Variants in PNPLA3 observed in about 807,000 individuals in gnomAD.
PNPLA3 encodes patatin like domain 3, 1-acylglycerol-3-phosphate O-acyltransferase.
In PNPLA3, 42 loss-of-function variants were observed where a neutral mutation model predicts 43.1. The ratio of observed to expected loss-of-function variants is 0.97; its 90% CI spans 0.76 to 1.26. The LOEUF is 1.26. PNPLA3 is among the 50% of genes most tolerant of loss of function. The pLI, the probability that PNPLA3 is intolerant of heterozygous loss-of-function variation, is 0.00. For synonymous variants in PNPLA3, 272 were observed against 253.6 expected, an observed-to-expected ratio of 1.07 and a Z score of -0.69; for missense variants, 647 against 621.4, an observed-to-expected ratio of 1.04 and a Z score of -0.44.
chr22:43,940,532 G>A (rs1052398729), intron 7 of PNPLA3, among the ~76,000 whole-genome samples: 11 of 152,226 alleles, frequency 7.2e-5, no homozygotes, highest in African/African-American at 2.7e-4. Context: ...CATGAAGGCC[G>A]GCGCCGTGGC....
chr22:43,933,946 A>G lies in PNPLA3; in HGVS notation c.697-660A>G, dbSNP rs547127851. ...CAGATGAGTAGAGGAGACAGCTCTTATTGTCCTAGTGGCAATTGGGATAGG... is the reference window on the plus strand; with the variant it reads ...CAGATGAGTAGAGGAGACAGCTCTTGTTGTCCTAGTGGCAATTGGGATAGG... On this transcript the variant is annotated intron_variant, in intron 4 of 8. Transcript: ENST00000216180. Among the ~76,000 whole-genome samples, 4 of 152,252 alleles carry G rather than the reference A, an allele frequency of 2.6e-5. No individual in the cohort carries two copies. In the South Asian group the frequency reaches 6.2e-4, roughly 24 times the overall value.
In PNPLA3 at chr22:43,934,316, T is replaced by TAA. The variant is rs3083286; in HGVS notation, c.697-271_697-270dup. On this transcript the variant is annotated intron_variant, in intron 4 of 8. Transcript: ENST00000216180. ...TGGGCAACAGAGCAAGACTCTGCCT[T>TAA]AAAAAAAAAAAAAAAAAAAAGAAAA... 3.4e-3 allele frequency among the ~76,000 whole-genome samples: 399 copies of TAA among 118,040 alleles called. 4 individuals are homozygous for TAA. Among genetic ancestry groups the TAA allele is most frequent in the African/African-American group, 0.013 (382 of 29,388 alleles). 77.4% of individuals were successfully genotyped at this position (118,040 alleles called of 152,430 possible). A position where few individuals can be genotyped will look rare whatever the true frequency, so the allele number is the denominator to read the frequency against.
At chr22:43,934,377 G>A (rs1007145806) in intron 4 of PNPLA3, among the ~76,000 whole-genome samples, 1 of 151,834 alleles carries the variant, frequency 6.6e-6, no homozygotes, top group African/African-American at 2.4e-5. Flanking sequence ...GCCTGCTGGG[G>A]TGCCTGCAAA....
chr22:43,928,277 T>C (rs1457293633), intron 2 of PNPLA3, among the ~76,000 whole-genome samples: 1 of 152,200 alleles, frequency 6.6e-6, no homozygotes, highest in Non-Finnish European at 1.5e-5. Flanking sequence ...GGGTCCGTTC[T>C]CCCAGTGAAT....
intron 3 of PNPLA3, among the ~76,000 whole-genome samples, chr22:43,930,826 C>G (rs1346616991): frequency 6.6e-6 from 1 of 152,182 alleles, no homozygotes; most frequent in African/African-American, 2.4e-5. Context: ...TCCCCAACCC[C>G]CTCTGGGGAT....
Position 43,923,984 on chromosome 22 carries a change from G to T in PNPLA3, c.73G>T (p.Ala25Ser). ...CTTCCTGGGCTTCTACCACGTCGGG[G>T]CGACCCGCTGCCTGAGCGAGCACGC... ...CGFLGFYHVG[A>S]TRCLSEHAPH... Residue 25 changes from alanine to serine, a missense_variant, in exon 1 of 9, where the codon GCG (alanine) becomes TCG (serine). Transcript: ENST00000216180. The T allele has an allele frequency of 6.3e-7, 1 of 1,585,022 alleles. No homozygotes were observed. Among genetic ancestry groups the T allele is most frequent in the African/African-American group, 1.4e-5 (1 of 72,530 alleles).
chr22:43,927,556 C>T (rs2049932594), intron 2 of PNPLA3, among the ~76,000 whole-genome samples: 1 of 151,462 alleles, frequency 6.6e-6, no homozygotes, highest in Admixed American at 6.6e-5. Context: ...GCCCCCTGTG[C>T]CAGAGTGACA....
intron 3 of PNPLA3, among the ~76,000 whole-genome samples, chr22:43,932,093 G>A (rs1189970797): frequency 6.6e-6 from 1 of 152,104 alleles, no homozygotes; most frequent in African/African-American, 2.4e-5. Context: ...TGGCTCTGAT[G>A]GCTGGCTGTG....
rs2050067894 is a variant in PNPLA3 at position 43,946,958 on chromosome 22, C to A, written c.*576C>A. On this transcript the variant is annotated 3_prime_UTR_variant, in exon 9 of 9. Transcript: ENST00000216180. ...ATTTTAGAACACCTTTTTCACCTAA[C>A]TAAAATAATGTTTAAAGAGTTTTGT... The A allele has an allele frequency of 6.6e-6, 2 of 301,402 alleles. No individual in the cohort carries two copies. The highest frequency in any genetic ancestry group is 4.7e-5 in the Admixed American group (1 of 21,068). 18.7% of individuals were successfully genotyped at this position (301,402 alleles called of 1,614,324 possible).
intron 5 of PNPLA3, among the ~76,000 whole-genome samples, chr22:43,935,998 G>A (rs1230031051): frequency 6.6e-6 from 1 of 152,176 alleles, no homozygotes; most frequent in African/African-American, 2.4e-5. Context: ...AGGAGTCCAG[G>A]GGAATAGGAC....
rs1364602747 is a variant in PNPLA3, at chr22:43,934,772, G to T, written c.757+106G>T. The T allele has an allele frequency of 1.5e-5, 16 of 1,053,908 alleles. No homozygotes were observed. In the South Asian group the frequency reaches 2.0e-4, roughly 13 times the overall value. The allele number at this position is 1,053,908 out of a possible 1,614,324, so 65.3% of individuals were successfully genotyped here. On this transcript the variant is annotated intron_variant, in intron 5 of 8. Transcript: ENST00000216180. ...TTAGTTCTAACACTTAGTGCCCAAC[G>T]CCTTCCTTGTGTTGCTCAACCTACT...
In PNPLA3 at chr22:43,940,531, C is replaced by T. The variant is rs779874168; in HGVS notation, c.1112+406C>T. 2.0e-4 allele frequency among the ~76,000 whole-genome samples: 30 copies of T among 152,170 alleles called. 1 individual carries two copies. The highest frequency in any genetic ancestry group is 7.4e-5 in the Non-Finnish European group (5 of 68,024). On this transcript the variant is annotated intron_variant, in intron 7 of 8. Transcript: ENST00000216180. Reference sequence around the variant, plus strand: ...TTTCCATTTAAAATCACATGAAGGCCGGCGCCGTGGCTCACGGCTGTAATC... The same window carrying T: ...TTTCCATTTAAAATCACATGAAGGCTGGCGCCGTGGCTCACGGCTGTAATC...
In PNPLA3 at chr22:43,946,236, A is replaced by C; in HGVS notation, c.1300A>C (p.Lys434Gln). 6.2e-7 allele frequency: 1 copy of C among 1,613,926 alleles called. No individual in the cohort carries two copies. Among genetic ancestry groups the C allele is most frequent in the Non-Finnish European group, 8.5e-7 (1 of 1,179,938 alleles). The change falls in exon 9 of 9, where the codon AAG becomes CAG. Residue 434 changes from lysine (K) to glutamine (Q), a missense_variant. By Grantham distance (53) the Lys-to-Gln change is moderately conservative (BLOSUM62 1). Transcript: ENST00000216180. ...GCCCTGCTGGACTCCCTGCTCCCCC[A>C]AGGGCTGTCCAGCAGAGACCAAAGC... ...DWPCWTPCSP[K>Q]GCPAETKAEA...
chr22:43,940,894 G>A (rs184842912), intron 7 of PNPLA3, among the ~76,000 whole-genome samples: 12 of 150,746 alleles, frequency 8.0e-5, no homozygotes, highest in Admixed American at 5.3e-4. Flanking sequence ...TAATCCCAGC[G>A]CTTTGGGAGG....
Position 43,928,845 on chromosome 22 carries a change from AT to A in PNPLA3, c.443del (p.Ile148ThrfsTer22). The stretch of plus-strand genomic sequence containing the variant: ...ACAGGCCTTGGTATGTTCCTGCTTC[AT>A]CCCCTTCTACAGTGGCCTTATCCCT... The part of the protein sequence containing the change: ...VVDALVCSCF[I>X]PFYSGLIPPS... On this transcript the variant is annotated frameshift_variant, in exon 3 of 9. Transcript: ENST00000216180. LOFTEE classifies it high-confidence loss of function. 2 of 1,612,040 alleles carry A rather than the reference AT, an allele frequency of 1.2e-6. No individual in the cohort carries two copies. The highest frequency in any genetic ancestry group is 1.3e-5 in the African/African-American group (1 of 74,988).
Position 43,946,502 on chromosome 22 carries a change from C to T in PNPLA3, c.*120C>T, listed in dbSNP as rs2050064502. On this transcript the variant is annotated 3_prime_UTR_variant, in exon 9 of 9. Coordinates refer to ENST00000216180, the MANE Select transcript of PNPLA3 (RefSeq NM_025225.3). ...TGCCTGTGACGTGGAGGATCCCAGC[C>T]TCTGAGCTGAGTTGGTTTTATGAAA... is the stretch of plus-strand genomic sequence containing the variant. 9.9e-7 allele frequency: 1 copy of T among 1,010,428 alleles called. No individual in the cohort carries two copies. The highest frequency in any genetic ancestry group is 1.5e-6 in the Non-Finnish European group (1 of 655,952). The allele number at this position is 1,010,428 out of a possible 1,614,324, so 62.6% of individuals were successfully genotyped here.
At chr22:43,942,701 CT>C (rs398037291) in intron 7 of PNPLA3, among the ~76,000 whole-genome samples, 4,526 of 113,598 alleles carry the variant, frequency 0.04, 176 homozygotes, top group African/African-American at 0.14. Flanking sequence ...TTTCTTTTTT[CT>C]TTTTTTTTTT....
chr22:43,927,191 GT>G lies in PNPLA3; in HGVS notation c.420+26del, dbSNP rs767699238. On this transcript the variant is annotated intron_variant, in intron 2 of 8. Coordinates refer to ENST00000216180, the MANE Select transcript of PNPLA3 (RefSeq NM_025225.3). ...ATGTAAGCAGTTTGCTTATCTGGAC[GT>G]TGTCAAGTTAGAAAAGCTGTTTTGG... is the stretch of plus-strand genomic sequence containing the variant. The G allele has an allele frequency of 3.8e-5, 61 of 1,604,788 alleles. No individual in the cohort carries two copies. The African/African-American group carries it at 6.7e-4, about 18-fold the overall frequency.
chr22:43,928,982 T>G, intron 3 of PNPLA3, 93 bp downstream of exon 3: 2 of 1,270,610 alleles, frequency 1.6e-6, no homozygotes, highest in Non-Finnish European at 2.3e-6. Flanking sequence ...GTCGGGCACC[T>G]CAGGGTCTGT....
Sources: gnomAD v4.1 joint callset for allele counts (sites outside exome capture counted in the v4.1 genomes callset) on GRCh38, gnomAD v4.1.1 for gene constraint, MANE v1.5 for transcripts, NCBI Gene and HGNC (gene_info 2026-07-23, HGNC 2026-07-21) for gene names.